FAM72D: variants seen among roughly 807,000 people sequenced by gnomAD.
FAM72D encodes protein FAM72D.
For missense variants in FAM72D, 9 were observed against 104.7 expected (o/e 0.09, Z 3.99); for synonymous variants, 4 against 35.1 (o/e 0.11, Z 3.13).
rs2102564204 is a variant in FAM72D, at chr1:145,112,622, A to ATTC, written c.*1029_*1031dup. The ATTC allele has an allele frequency of 8.5e-6, 1 of 118,044 alleles. No individual in the cohort carries two copies. Among genetic ancestry groups the ATTC allele is most frequent in the East Asian group, 2.4e-4 (1 of 4,090 alleles). The allele number at this position is 118,044 out of a possible 1,614,324, so 7.3% of individuals were successfully genotyped here. ...AATAAAGTTTTTTCTAAAAATGACC[A>ATTC]TTCTTCCTTTAATTTTTTGTTATGC... is the stretch of plus-strand genomic sequence containing the variant. On this transcript the variant is annotated 3_prime_UTR_variant, in exon 4 of 4. Coordinates refer to ENST00000400889, the MANE Select transcript of FAM72D (RefSeq NM_207418.3).
At chr1:145,107,221 G>A (rs1646139964) in intron 3 of FAM72D, among the ~76,000 whole-genome samples, 1 of 148,256 alleles carries the variant, frequency 6.7e-6, no homozygotes. Context: ...TTGTGTTAAG[G>A]TGCTGAGGCA....
intron 2 of FAM72D, among the ~76,000 whole-genome samples, chr1:145,102,035 G>C (rs1269831073): frequency 5.5e-5 from 7 of 127,510 alleles, no homozygotes; most frequent in Non-Finnish European, 1.2e-4. Context: ...TTCCCTGTAG[G>C]TTCACTCTAT....
At chr1:145,106,059 T>G (rs1173726036) in intron 3 of FAM72D, among the ~76,000 whole-genome samples, 21 of 137,574 alleles carry the variant, frequency 1.5e-4, no homozygotes, top group African/African-American at 5.1e-4. Flanking sequence ...CTTCTACATC[T>G]GCACTTTTTG....
chr1:145,100,680 C>T (rs1467046603), intron 2 of FAM72D, among the ~76,000 whole-genome samples: 1 of 145,934 alleles, frequency 6.9e-6, no homozygotes, highest in Admixed American at 6.7e-5. Flanking sequence ...TTAGTAGAGA[C>T]AGGGTTTCAC....
At chr1:145,108,688 AT>A (rs1235171461) in intron 3 of FAM72D, among the ~76,000 whole-genome samples, 6 of 98,084 alleles carry the variant, frequency 6.1e-5, no homozygotes, top group African/African-American at 1.8e-4. Flanking sequence ...CTTTGATAGT[AT>A]TTTTCCTGCT....
In FAM72D at chr1:145,107,133, CAAAAAAA is replaced by C. The variant is rs71270756; in HGVS notation, c.355+4016_355+4022del. On this transcript the variant is annotated intron_variant, in intron 3 of 3. Coordinates refer to ENST00000400889, the MANE Select transcript of FAM72D (RefSeq NM_207418.3). ...TGGGCAACAGAGTGAGACCCTGTCT[CAAAAAAA>C]AAAAAAAAAAAAATTATTTTAGTAA... 6.4e-4 allele frequency among the ~76,000 whole-genome samples: 44 copies of C among 68,872 alleles called. 1 individual carries two copies. The South Asian group carries it at 0.014, about 22-fold the overall frequency. The allele number at this position is 68,872 out of a possible 152,430, so 45.2% of individuals were successfully genotyped here.
intron 2 of FAM72D, among the ~76,000 whole-genome samples, chr1:145,101,049 C>G (rs1654685183): frequency 6.6e-6 from 1 of 150,718 alleles, no homozygotes; most frequent in Non-Finnish European, 1.5e-5. Flanking sequence ...TCAAGTGATT[C>G]TCTCACCTCT....
At chr1:145,106,685 T>A (rs1358481907) in intron 3 of FAM72D, among the ~76,000 whole-genome samples, 104 of 130,088 alleles carry the variant, frequency 8.0e-4, no homozygotes, top group African/African-American at 3.6e-3. Flanking sequence ...TAAGTGGGTG[T>A]GGTTCATAGC....
chr1:145,105,412 G>A (rs1219680983), intron 3 of FAM72D, among the ~76,000 whole-genome samples: 1 of 86,148 alleles, frequency 1.2e-5, no homozygotes, highest in East Asian at 3.3e-4. Flanking sequence ...AGTGGTTCAC[G>A]CCTATAATCC....
intron 3 of FAM72D, among the ~76,000 whole-genome samples, chr1:145,105,853 A>G (rs1175930162): frequency 2.8e-5 from 4 of 141,596 alleles, no homozygotes; most frequent in Non-Finnish European, 4.6e-5. Flanking sequence ...TTGGGAGGCT[A>G]AGGCAGGAGA....
At position 145,101,821 on chromosome 1, in the gene FAM72D, T is replaced by C. The variant is rs587751660; in HGVS notation, c.231-1186T>C. 2.6e-5 allele frequency among the ~76,000 whole-genome samples: 3 copies of C among 113,644 alleles called. No homozygotes were observed. In the East Asian group the frequency reaches 7.0e-4, roughly 27 times the overall value. The allele number at this position is 113,644 out of a possible 152,430, so 74.6% of individuals were successfully genotyped here. A position where few individuals can be genotyped will look rare whatever the true frequency, so the allele number is the denominator to read the frequency against. On this transcript the variant is annotated intron_variant, in intron 2 of 3. Transcript: ENST00000400889. Reference sequence around the variant, plus strand: ...CCTAGTCCAAACACAACTTTTGTTTTCATTTGTTTGCCTTTCAAGCAAGTT... The same window carrying C: ...CCTAGTCCAAACACAACTTTTGTTTCCATTTGTTTGCCTTTCAAGCAAGTT...
intron 3 of FAM72D, among the ~76,000 whole-genome samples, chr1:145,107,650 C>T (rs1298988551): frequency 9.1e-5 from 7 of 76,992 alleles, no homozygotes; most frequent in East Asian, 3.1e-4. Context: ...CTCCACCTCC[C>T]GGGTTCAAGT....
chr1:145,102,656 A>G (rs1443228146), intron 2 of FAM72D, among the ~76,000 whole-genome samples: 1 of 57,914 alleles, frequency 1.7e-5, no homozygotes, highest in African/African-American at 6.5e-5. Context: ...AATCCCAGCT[A>G]TTCTGGAGGC....
chr1:145,105,763 A>G (rs1654892458), intron 3 of FAM72D, among the ~76,000 whole-genome samples: 1 of 149,130 alleles, frequency 6.7e-6, no homozygotes, highest in African/African-American at 2.5e-5. Context: ...GACCAGCCTG[A>G]CCAACATGGA....
chr1:145,112,428 C>T lies in FAM72D; in HGVS notation c.*831C>T, dbSNP rs1287183152. 6 of 150,276 alleles carry T rather than the reference C, an allele frequency of 4.0e-5. No homozygotes were observed. The East Asian group carries it at 1.2e-3, about 29-fold the overall frequency. The allele number at this position is 150,276 out of a possible 1,614,324, so 9.3% of individuals were successfully genotyped here. A position where few individuals can be genotyped will look rare whatever the true frequency, so the allele number is the denominator to read the frequency against. ...TAAAGAGCTGTTTTGTTTTGCTTTG[C>T]TTTGCTTTGTTTTGTTTTTTTAAAG... On this transcript the variant is annotated 3_prime_UTR_variant, in exon 4 of 4. Transcript: ENST00000400889.
intron 2 of FAM72D, among the ~76,000 whole-genome samples, chr1:145,100,437 A>G (rs1476336758): frequency 7.2e-6 from 1 of 138,994 alleles, no homozygotes. Flanking sequence ...AGGGCTGGAA[A>G]TACAACAAAA....
chr1:145,101,188 C>T (rs1255657166), intron 2 of FAM72D, among the ~76,000 whole-genome samples: 1 of 139,746 alleles, frequency 7.2e-6, no homozygotes, highest in African/African-American at 2.8e-5. Context: ...GTGATCCACC[C>T]GCCTCAGCCT....
chr1:145,100,825 A>G lies in FAM72D; in HGVS notation c.230+1760A>G, dbSNP rs9697442. 4.0e-4 allele frequency among the ~76,000 whole-genome samples: 60 copies of G among 149,636 alleles called. 1 individual carries two copies. Among genetic ancestry groups the G allele is most frequent in the Non-Finnish European group, 5.3e-4 (36 of 67,792 alleles). On this transcript the variant is annotated intron_variant, in intron 2 of 3. Transcript: ENST00000400889. ...TAATTTTTGTATTTTTAGTAGAGAC[A>G]GGATTTCGCCATGTTAGCCAGGCTG... is the stretch of plus-strand genomic sequence containing the variant.
chr1:145,105,912 A>G (rs1157388059), intron 3 of FAM72D, among the ~76,000 whole-genome samples: 1 of 145,762 alleles, frequency 6.9e-6, no homozygotes, highest in African/African-American at 2.6e-5. Flanking sequence ...AGATCACGCC[A>G]TTGCACTCCA....
Sources: gnomAD v4.1 joint callset for allele counts (sites outside exome capture counted in the v4.1 genomes callset) on GRCh38, gnomAD v4.1.1 for gene constraint, MANE v1.5 for transcripts, NCBI Gene and HGNC (gene_info 2026-07-23, HGNC 2026-07-21) for gene names.